The following PAPPA2 variants were observed in gnomAD, a reference collection of about 807,000 sequenced individuals.
PAPPA2 encodes the protein pappalysin-2.
In PAPPA2, 86 loss-of-function variants were observed where a neutral mutation model predicts 176.4. The observed-to-expected ratio is 0.49, with a 90% CI of 0.41 to 0.58. The LOEUF (loss-of-function observed/expected upper bound fraction) is 0.58. Ranked by LOEUF, PAPPA2 falls within the 20% of genes least tolerant of loss-of-function variation. The pLI is 0.00. For missense variants in PAPPA2, 2,073 were observed against 2,256.9 expected (o/e 0.92, Z 1.65); for synonymous variants, 809 against 852.2 (o/e 0.95, Z 0.88).
chr1:176,578,725 TCAGA>T (rs1167530104), intron 2 of PAPPA2, among the ~76,000 whole-genome samples: 1 of 152,176 alleles, frequency 6.6e-6, no homozygotes, highest in African/African-American at 2.4e-5. Flanking sequence ...GGGAGGCATT[TCAGA>T]CAGAGAGAGA....
At chr1:176,577,718 G>A (rs578188229) in intron 2 of PAPPA2, among the ~76,000 whole-genome samples, 3 of 152,080 alleles carry the variant, frequency 2.0e-5, no homozygotes, top group African/African-American at 2.4e-5. Context: ...CTGGGGGGTC[G>A]GGGTGTTGGA....
chr1:176,587,904 TA>T (rs1558455429), intron 2 of PAPPA2, among the ~76,000 whole-genome samples: 2 of 152,202 alleles, frequency 1.3e-5, no homozygotes, highest in African/African-American at 4.8e-5. Flanking sequence ...TAATAAACTT[TA>T]AAAAAAGAAA....
chr1:176,557,473 C>T (rs1272471030), intron 2 of PAPPA2, among the ~76,000 whole-genome samples: 1 of 152,182 alleles, frequency 6.6e-6, no homozygotes, highest in African/African-American at 2.4e-5. Flanking sequence ...GTATTGATCT[C>T]ATGTCCTTGT....
chr1:176,710,647 AG>A (rs562513569), intron 11 of PAPPA2, among the ~76,000 whole-genome samples: 116 of 152,294 alleles, frequency 7.6e-4, no homozygotes, highest in Non-Finnish European at 1.2e-3. Context: ...AAGACTGAAA[AG>A]AGGATTAAAG....
chr1:176,833,822 GTATATA>G (rs1210656645), intron 21 of PAPPA2, among the ~76,000 whole-genome samples: 7 of 150,796 alleles, frequency 4.6e-5, no homozygotes, highest in African/African-American at 1.2e-4. Context: ...ATATATATGT[GTATATA>G]TATGTGTATA....
chr1:176,569,302 C>A (rs988764220), intron 2 of PAPPA2, among the ~76,000 whole-genome samples: 4 of 152,312 alleles, frequency 2.6e-5, no homozygotes, highest in Non-Finnish European at 4.4e-5. Flanking sequence ...GGCCTCTAGC[C>A]CCTGATGTCT....
At chr1:176,737,829 G>A (rs1662487551) in intron 12 of PAPPA2, among the ~76,000 whole-genome samples, 1 of 152,024 alleles carries the variant, frequency 6.6e-6, no homozygotes. Flanking sequence ...CACACCATAA[G>A]GCCTACCTTT....
intron 1 of PAPPA2, among the ~76,000 whole-genome samples, chr1:176,472,970 G>C (rs1388892016): frequency 6.6e-6 from 1 of 152,028 alleles, no homozygotes; most frequent in Non-Finnish European, 1.5e-5. Context: ...TTCTCTTACT[G>C]TCAGCATTTC....
chr1:176,638,357 A>C (rs568279959), intron 3 of PAPPA2, among the ~76,000 whole-genome samples: 1 of 152,030 alleles, frequency 6.6e-6, no homozygotes, highest in Non-Finnish European at 1.5e-5. Flanking sequence ...AAAATAGAAA[A>C]AGAAAAAAAA....
At chr1:176,650,068 G>A (rs528921241) in intron 3 of PAPPA2, among the ~76,000 whole-genome samples, 2 of 151,402 alleles carry the variant, frequency 1.3e-5, no homozygotes, top group East Asian at 3.9e-4. Context: ...TATATAATTG[G>A]GAGCTCCAGT....
At chr1:176,654,455 A>T (rs1242910370) in intron 3 of PAPPA2, among the ~76,000 whole-genome samples, 1 of 148,852 alleles carries the variant, frequency 6.7e-6, no homozygotes, top group Admixed American at 6.7e-5. Context: ...ATATAATATA[A>T]GTATATATAT....
chr1:176,714,453 G>T (rs1318187740), intron 12 of PAPPA2, among the ~76,000 whole-genome samples: 1 of 150,682 alleles, frequency 6.6e-6, no homozygotes, highest in Non-Finnish European at 1.5e-5. Flanking sequence ...AACCAAAATG[G>T]AAGGGCCCCT....
intron 1 of PAPPA2, among the ~76,000 whole-genome samples, chr1:176,491,165 G>A (rs1647270906): frequency 6.6e-6 from 1 of 152,230 alleles, no homozygotes. Context: ...CTGGCTAAGT[G>A]CCAGGCACTA....
intron 11 of PAPPA2, among the ~76,000 whole-genome samples, chr1:176,710,410 AC>A (rs1220252998): frequency 6.6e-6 from 1 of 152,176 alleles, no homozygotes; most frequent in Non-Finnish European, 1.5e-5. Context: ...GTATAGTAAC[AC>A]CATTTGCACT....
chr1:176,611,691 C>T lies in PAPPA2; in HGVS notation c.1991+16096C>T, dbSNP rs1654938106. On this transcript the variant is annotated intron_variant, in intron 3 of 22. Coordinates refer to ENST00000367662, the MANE Select transcript of PAPPA2 (RefSeq NM_020318.3). ...CAGTAGTAACCTCTCCTATCTGTAG[C>T]ATTCTTGGGGAGCTATTAGAGCATC... 1.3e-5 allele frequency among the ~76,000 whole-genome samples: 2 copies of T among 152,146 alleles called. 1 individual carries two copies. The highest frequency in any genetic ancestry group is 4.1e-4 in the South Asian group (2 of 4,828).
chr1:176,838,301 C>G (rs1038745681), intron 21 of PAPPA2, among the ~76,000 whole-genome samples: 1 of 152,104 alleles, frequency 6.6e-6, no homozygotes, highest in African/African-American at 2.4e-5. Context: ...AGAAAGATAT[C>G]TTTAGATATA....
chr1:176,508,398 C>T (rs1192705733), intron 1 of PAPPA2, among the ~76,000 whole-genome samples: 1 of 151,854 alleles, frequency 6.6e-6, no homozygotes, highest in Non-Finnish European at 1.5e-5. Context: ...AAAATATGAA[C>T]ACTGAGGATA....
intron 17 of PAPPA2, among the ~76,000 whole-genome samples, chr1:176,783,293 C>A (rs1008928840): frequency 6.6e-6 from 1 of 152,126 alleles, no homozygotes; most frequent in Admixed American, 6.5e-5. Flanking sequence ...GACATCAGGT[C>A]CCCTTGGTCA....
intron 3 of PAPPA2, among the ~76,000 whole-genome samples, chr1:176,626,967 C>A (rs1656061300): frequency 6.7e-6 from 1 of 150,358 alleles, no homozygotes; most frequent in East Asian, 2.0e-4. Flanking sequence ...AAGCGATCCT[C>A]CCACCTCGGC....
Sources: allele counts gnomAD v4.1 joint callset (sites outside exome capture counted in the v4.1 genomes callset), GRCh38; gene constraint gnomAD v4.1.1; transcripts MANE v1.5; gene names NCBI Gene and HGNC (gene_info 2026-07-23, HGNC 2026-07-21).